Variants in LRRC37A3 observed in about 807,000 individuals in gnomAD.
LRRC37A3 encodes leucine rich repeat containing 37 member A3.
LRRC37A3 carries 25 observed loss-of-function variants against 106.2 expected under a neutral mutation model. The observed-to-expected ratio is 0.24, with a 90% CI of 0.17 to 0.33. The LOEUF is 0.33. Among genes scored for constraint, LRRC37A3 ranks in the 10% least tolerant of loss-of-function variants. The pLI is 1.00. For missense variants in LRRC37A3, 712 were observed against 1,644.9 expected (o/e 0.43, Z 9.81); for synonymous variants, 305 against 635.8 (o/e 0.48, Z 7.83).
intron 2 of LRRC37A3, among the ~76,000 whole-genome samples, chr17:64,915,731 G>GA (rs2143637084): frequency 6.6e-6 from 1 of 152,206 alleles, no homozygotes; most frequent in South Asian, 2.1e-4. Flanking sequence ...CAGATGGGGA[G>GA]AAAATGTATG....
chr17:64,884,658 C>A (rs1331091576), intron 8 of LRRC37A3, among the ~76,000 whole-genome samples: 1 of 138,798 alleles, frequency 7.2e-6, no homozygotes, highest in Non-Finnish European at 1.5e-5. Flanking sequence ...CCGCTCCCGG[C>A]CACCAGATTT....
intron 2 of LRRC37A3, chr17:64,905,662 CTTA>C (rs1974447832): frequency 2.4e-5 from 2 of 83,722 alleles, no homozygotes; most frequent in African/African-American, 1.7e-4. Flanking sequence ...GCAACCATTA[CTTA>C]TTATATGCCA....
intron 2 of LRRC37A3, among the ~76,000 whole-genome samples, chr17:64,909,298 C>T (rs563253478): frequency 2.9e-4 from 44 of 152,268 alleles, no homozygotes; most frequent in Middle Eastern, 3.4e-3. Flanking sequence ...AACCTTGCTA[C>T]TCAACGAGGG....
intron 11 of LRRC37A3, among the ~76,000 whole-genome samples, chr17:64,861,264 G>A (rs1395821527): frequency 6.6e-6 from 1 of 152,200 alleles, no homozygotes; most frequent in Non-Finnish European, 1.5e-5. Flanking sequence ...CCAGTGCTCA[G>A]TCAAAGCCCA....
rs747494459 is a variant in LRRC37A3, at chr17:64,855,872, C to T, written c.4827G>A (p.Arg1609=). 2 of 1,611,692 alleles carry T rather than the reference C, an allele frequency of 1.2e-6. No homozygotes were observed. The highest frequency in any genetic ancestry group is 1.3e-5 in the African/African-American group (1 of 74,850). Residue 1609 remains arginine, a synonymous_variant, in exon 14 of 15, where the codon AGG becomes AGA. Coordinates refer to ENST00000584306, the MANE Select transcript of LRRC37A3 (RefSeq NM_199340.5). The stretch of plus-strand genomic sequence containing the variant: ...ATCCTTCTTCATCTTCTTGTAATGA[C>T]CTTCGGTGACAACAGATCTGTTTTA... ...LCLIEICCHR[R]SLQEDEEGFS... is the part of the protein sequence containing the mutation.
At chr17:64,899,419 CAAAAA>C (rs71215666) in intron 2 of LRRC37A3, among the ~76,000 whole-genome samples, 82 of 100,220 alleles carry the variant, frequency 8.2e-4, no homozygotes, top group African/African-American at 3.7e-3. Flanking sequence ...GACTCCATCT[CAAAAA>C]AAAAAAAAAA....
rs909988584 is a variant in LRRC37A3, at chr17:64,860,140, G to C, written c.4006C>G (p.Leu1336Val). The C allele has an allele frequency of 1.2e-6, 2 of 1,613,986 alleles. No individual in the cohort carries two copies. The highest frequency in any genetic ancestry group is 4.5e-5 in the East Asian group (2 of 44,890). ...AACGGAAGCCTGTTTGAGAGCATCA[G>C]TCTACTCAGATAACTTTTCTTTCTG... is the stretch of plus-strand genomic sequence containing the variant. Reference protein sequence around the residue: ...KVRKKSYLSRLMLSNRLPFSA... With the variant: ...KVRKKSYLSRVMLSNRLPFSA... Residue 1336 changes from leucine to valine, a missense_variant, in exon 12 of 15, where the codon CTG becomes GTG. Coordinates refer to ENST00000584306, the MANE Select transcript of LRRC37A3 (RefSeq NM_199340.5).
At position 64,859,662 on chromosome 17, in the gene LRRC37A3, G is replaced by A. The variant is rs1972801884; in HGVS notation, c.4484C>T (p.Ala1495Val). Residue 1495 changes from alanine (A) to valine (V), a missense_variant, in exon 12 of 15, where the codon GCT becomes GTT. Coordinates refer to ENST00000584306, the MANE Select transcript of LRRC37A3 (RefSeq NM_199340.5). ...CATCTTCAAGGTCCGGATAACATGAGCAATGAGCCTTCTCACATTGTTGTT... is the reference window on the plus strand; with the variant it reads ...CATCTTCAAGGTCCGGATAACATGAACAATGAGCCTTCTCACATTGTTGTT... ...IPNNNVRRLI[A>V]HVIRTLKMDC... The A allele has an allele frequency of 1.2e-6, 2 of 1,613,594 alleles. No individual in the cohort carries two copies. The highest frequency in any genetic ancestry group is 3.3e-5 in the Admixed American group (2 of 59,900).
rs1418341929 is a variant in LRRC37A3, at chr17:64,860,801, A to T, written c.3345T>A (p.Asp1115Glu). 2 of 1,614,082 alleles carry T rather than the reference A, an allele frequency of 1.2e-6. No individual in the cohort carries two copies. Among genetic ancestry groups the T allele is most frequent in the African/African-American group, 1.3e-5 (1 of 74,928 alleles). ...SEQLDTNDES[D>E]VTSTLSYILP... ...AGATGTAACTTAGTGTACTGGTAAC[A>T]TCACTCTCGTCATTGGTGTCTAGCT... The change falls in exon 12 of 15, where the codon GAT (aspartate) becomes GAA (glutamate). Residue 1115 changes from aspartate (D) to glutamate (E), a missense_variant. By Grantham distance (45) the Asp-to-Glu change is conservative (BLOSUM62 2). Transcript: ENST00000584306.
At chr17:64,902,231 T>C (rs1396999188) in intron 2 of LRRC37A3, among the ~76,000 whole-genome samples, 1 of 151,844 alleles carries the variant, frequency 6.6e-6, no homozygotes, top group Non-Finnish European at 1.5e-5. Context: ...CTTAGAGATA[T>C]TAAATATCTT....
chr17:64,861,741 A>G (rs1454502699), intron 11 of LRRC37A3, among the ~76,000 whole-genome samples: 1 of 152,176 alleles, frequency 6.6e-6, no homozygotes, highest in Non-Finnish European at 1.5e-5. Flanking sequence ...GAGGTCCTAA[A>G]ATGCAGAAGG....
At chr17:64,900,051 C>T (rs62071410) in intron 2 of LRRC37A3, 1 of 146,776 alleles carries the variant, frequency 6.8e-6, no homozygotes, top group African/African-American at 2.6e-5. Context: ...TTTTTTTTTC[C>T]TCGAGAGAGT....
chr17:64,893,821 TTTC>T (rs1974038264), intron 4 of LRRC37A3, among the ~76,000 whole-genome samples: 1 of 147,992 alleles, frequency 6.8e-6, no homozygotes, highest in Non-Finnish European at 1.5e-5. Flanking sequence ...GGCTAATTTT[TTTC>T]TGTATTTTTA....
intron 10 of LRRC37A3, 129 bp downstream of exon 10, chr17:64,868,333 C>A: frequency 1.6e-6 from 1 of 643,550 alleles, no homozygotes; most frequent in South Asian, 2.0e-5. Context: ...ACTCATCAAA[C>A]TGTACACTTA....
intron 8 of LRRC37A3, among the ~76,000 whole-genome samples, chr17:64,881,353 T>G (rs1026983248): frequency 2.7e-5 from 4 of 148,556 alleles, no homozygotes; most frequent in African/African-American, 1.0e-4. Context: ...AGTCAAGTGA[T>G]TCTCCTGCCT....
At chr17:64,861,668 C>T (rs541918107) in intron 11 of LRRC37A3, among the ~76,000 whole-genome samples, 1 of 152,274 alleles carries the variant, frequency 6.6e-6, no homozygotes, top group South Asian at 2.1e-4. Flanking sequence ...AGATTGTATG[C>T]CTATGTTGTT....
Position 64,868,489 on chromosome 17 carries a change from A to C in LRRC37A3, c.3026T>G (p.Leu1009Arg). The C allele has an allele frequency of 6.2e-7, 1 of 1,610,472 alleles. No individual in the cohort carries two copies. The highest frequency in any genetic ancestry group is 8.5e-7 in the Non-Finnish European group (1 of 1,178,988). ...LVPLTTLKNILMMTVELEKLI... is the reference protein window; with the variant it reads ...LVPLTTLKNIRMMTVELEKLI... ...TTTTTCCAGTTCAACAGTCATCATG[A>C]GAATGTTCTTAAGTGTTGTAAGTGG... Residue 1009 changes from leucine (L) to arginine (R), a missense_variant, in exon 10 of 15, where the codon CTC becomes CGC. Coordinates refer to ENST00000584306, the MANE Select transcript of LRRC37A3 (RefSeq NM_199340.5).
intron 8 of LRRC37A3, among the ~76,000 whole-genome samples, chr17:64,875,487 A>G (rs1205740619): frequency 6.6e-6 from 1 of 152,230 alleles, no homozygotes; most frequent in Non-Finnish European, 1.5e-5. Context: ...GTGAATCTAC[A>G]CAAAGAAATA....
intron 2 of LRRC37A3, among the ~76,000 whole-genome samples, chr17:64,899,364 G>A (rs1362015735): frequency 2.7e-5 from 4 of 146,984 alleles, no homozygotes; most frequent in African/African-American, 8.0e-5. Flanking sequence ...AGGTTGCAAT[G>A]AGCTGGGATC....
Sources: gnomAD v4.1 joint callset for allele counts (sites outside exome capture counted in the v4.1 genomes callset) on GRCh38, gnomAD v4.1.1 for gene constraint, MANE v1.5 for transcripts, NCBI Gene and HGNC (gene_info 2026-07-23, HGNC 2026-07-21) for gene names.